The following NEIL3 variants were observed in gnomAD, a reference collection of about 807,000 sequenced individuals.
The protein encoded by NEIL3 is endonuclease 8-like 3.
In NEIL3, 48 loss-of-function variants were observed where a neutral mutation model predicts 57.5. The observed-to-expected ratio is 0.83, with a 90% CI of 0.66 to 1.06. The LOEUF (loss-of-function observed/expected upper bound fraction) is 1.06, where lower values mean the gene tolerates loss of function less well. Among genes scored for constraint, NEIL3 ranks in the 50% least tolerant of loss-of-function variants. The pLI is 0.00. For missense variants in NEIL3, 717 were observed against 739.1 expected, an observed-to-expected ratio of 0.97 and a Z score of 0.35; for synonymous variants, 261 against 253.2, an observed-to-expected ratio of 1.03 and a Z score of -0.29.
rs772522208 is a variant in NEIL3, at chr4:177,339,831, C to A, written c.676C>A (p.Arg226Ser). Reference protein sequence around the residue: ...EQIHHLMKMIRDFSILFYRCR... With the variant: ...EQIHHLMKMISDFSILFYRCR... ...GATCCATCACCTCATGAAAATGATACGTGATTTCAGCATTCTCTTTTACAG... is the reference window on the plus strand; with the variant it reads ...GATCCATCACCTCATGAAAATGATAAGTGATTTCAGCATTCTCTTTTACAG... Residue 226 changes from arginine to serine, a missense_variant, in exon 5 of 10, where the codon CGT becomes AGT. Arg to Ser is a moderately radical substitution (Grantham distance 110). Transcript: ENST00000264596. 3 of 1,613,392 alleles carry A rather than the reference C, an allele frequency of 1.9e-6. No individual in the cohort carries two copies. The highest frequency in any genetic ancestry group is 2.2e-5 in the South Asian group (2 of 91,044).
intron 2 of NEIL3, among the ~76,000 whole-genome samples, chr4:177,325,509 T>A (rs1008218760): frequency 6.6e-6 from 1 of 152,148 alleles, no homozygotes; most frequent in Non-Finnish European, 1.5e-5. Context: ...GCTATGAATA[T>A]TCACATACAT....
At position 177,336,130 on chromosome 4, in the gene NEIL3, A is replaced by G. The variant is rs1342748182; in HGVS notation, c.436A>G (p.Arg146Gly). 6.2e-7 allele frequency: 1 copy of G among 1,612,234 alleles called. No individual in the cohort carries two copies. The highest frequency in any genetic ancestry group is 1.3e-5 in the African/African-American group (1 of 74,904). The change falls in exon 4 of 10, where the codon AGA (arginine) becomes GGA (glycine). Residue 146 changes from arginine (R) to glycine (G), a missense_variant. By Grantham distance (125) the Arg-to-Gly change is moderately radical. Transcript: ENST00000264596. ...ELRNSMESQQRIRMMKELDVC... is the reference protein window; with the variant it reads ...ELRNSMESQQGIRMMKELDVC... Reference sequence around the variant, plus strand: ...TAGAAACTCAATGGAAAGCCAACAGAGAATAAGAATGATGAAAGAATTAGA... The same window carrying G: ...TAGAAACTCAATGGAAAGCCAACAGGGAATAAGAATGATGAAAGAATTAGA...
intron 8 of NEIL3, 132 bp downstream of exon 8, chr4:177,353,860 C>T (rs1390923061): frequency 1.2e-5 from 9 of 739,780 alleles, no homozygotes; most frequent in Middle Eastern, 3.9e-4. Flanking sequence ...CTGCCTCCCG[C>T]GTTCAAGCGA....
intron 1 of NEIL3, among the ~76,000 whole-genome samples, chr4:177,313,883 A>T (rs1261038335): frequency 6.6e-6 from 1 of 152,212 alleles, no homozygotes; most frequent in Non-Finnish European, 1.5e-5. Flanking sequence ...ATTTAGAAAT[A>T]AATTCCATTT....
intron 1 of NEIL3, among the ~76,000 whole-genome samples, chr4:177,320,847 A>C (rs886516654): frequency 1.3e-5 from 2 of 152,080 alleles, no homozygotes; most frequent in African/African-American, 2.4e-5. Flanking sequence ...TTCTTAAACA[A>C]AGGAGGGATA....
intron 6 of NEIL3, among the ~76,000 whole-genome samples, chr4:177,350,053 GAT>G: frequency 6.6e-6 from 1 of 152,288 alleles, no homozygotes; most frequent in South Asian, 2.1e-4. Flanking sequence ...GGGAAGTAAA[GAT>G]AAAAGAATCC....
At chr4:177,352,315 C>T (rs936304450) in intron 7 of NEIL3, among the ~76,000 whole-genome samples, 1 of 152,318 alleles carries the variant, frequency 6.6e-6, no homozygotes, top group Non-Finnish European at 1.5e-5. Context: ...GTTTCCATCC[C>T]TCCCTCTTCA....
intron 6 of NEIL3, among the ~76,000 whole-genome samples, chr4:177,350,863 G>A (rs953083392): frequency 2.0e-5 from 3 of 151,884 alleles, no homozygotes; most frequent in African/African-American, 7.3e-5. Context: ...ACTTTTATTT[G>A]ATGTTTCTCA....
At chr4:177,362,265 T>A in intron 9 of NEIL3, 24 bp from the exon 10 acceptor site, 2 of 1,581,540 alleles carry the variant, frequency 1.3e-6, no homozygotes, top group Non-Finnish European at 1.7e-6. Flanking sequence ...TATAAACTTG[T>A]AAATTTACCT....
chr4:177,365,568 A>G (rs955339569), downstream of NEIL3, among the ~76,000 whole-genome samples: 1 of 152,124 alleles, frequency 6.6e-6, no homozygotes, highest in Non-Finnish European at 1.5e-5. Flanking sequence ...AAAAAAATTT[A>G]CTCTGACTGC....
chr4:177,322,625 G>T, intron 2 of NEIL3, 45 bp downstream of exon 2: 1 of 1,611,816 alleles, frequency 6.2e-7, no homozygotes, highest in Non-Finnish European at 8.5e-7. Flanking sequence ...TATATTTAAA[G>T]ATGCGTAGAA....
chr4:177,337,762 G>C (rs541768407), intron 4 of NEIL3, among the ~76,000 whole-genome samples: 12 of 152,306 alleles, frequency 7.9e-5, no homozygotes, highest in African/African-American at 2.9e-4. Flanking sequence ...ACTTTGGGAG[G>C]CTGACGCGGG....
At chr4:177,347,372 CAAG>C (rs2110921635) in intron 6 of NEIL3, among the ~76,000 whole-genome samples, 1 of 152,242 alleles carries the variant, frequency 6.6e-6, no homozygotes, top group East Asian at 1.9e-4. Flanking sequence ...TCGGCTTGGC[CAAG>C]GCAAGTTTCT....
At chr4:177,351,046 AT>A (rs1453443546) in intron 6 of NEIL3, among the ~76,000 whole-genome samples, 3 of 151,578 alleles carry the variant, frequency 2.0e-5, no homozygotes, top group South Asian at 2.1e-4. Flanking sequence ...TCTACTAAAA[AT>A]TTAAAAATTA....
At chr4:177,370,554 A>C in the NEIL3 span, among the ~76,000 whole-genome samples, 2 of 152,148 alleles carry the variant, frequency 1.3e-5, no homozygotes, top group African/African-American at 4.8e-5. Context: ...TATTATTTGA[A>C]TTGTATTGAC....
At chr4:177,349,393 G>A (rs867731260) in intron 6 of NEIL3, among the ~76,000 whole-genome samples, 1 of 151,952 alleles carries the variant, frequency 6.6e-6, no homozygotes, top group Non-Finnish European at 1.5e-5. Context: ...TCCTCTTCTC[G>A]CTTCCGGTGC....
Position 177,353,383 on chromosome 4 carries a change from A to G in NEIL3, c.1115A>G (p.Lys372Arg), listed in dbSNP as rs200121648. 50 of 1,613,720 alleles carry G rather than the reference A, an allele frequency of 3.1e-5. No homozygotes were observed. The East Asian group carries it at 1.1e-3, about 36-fold the overall frequency. Reference protein sequence around the residue: ...LMKYPCNTFGKPHTEVKINRK... With the variant: ...LMKYPCNTFGRPHTEVKINRK... ...AAGTACCCGTGTAATACTTTTGGAAAACCTCATACAGAAGTCAAGATCAAC... is the reference window on the plus strand; with the variant it reads ...AAGTACCCGTGTAATACTTTTGGAAGACCTCATACAGAAGTCAAGATCAAC... The change falls in exon 8 of 10, where the codon AAA (lysine) becomes AGA (arginine). Residue 372 changes from lysine (K) to arginine (R), a missense_variant. Transcript: ENST00000264596.
downstream of NEIL3, among the ~76,000 whole-genome samples, chr4:177,364,696 G>A (rs543315280): frequency 5.9e-5 from 9 of 152,224 alleles, no homozygotes; most frequent in South Asian, 2.1e-4. Flanking sequence ...GTGGGAGGCC[G>A]AGGCAGGCAG....
At chr4:177,370,844 T>C in the NEIL3 span, among the ~76,000 whole-genome samples, 3 of 151,930 alleles carry the variant, frequency 2.0e-5, no homozygotes, top group Admixed American at 2.0e-4. Flanking sequence ...GAGGCTGCAG[T>C]GAGCCATGAT....
Sources: allele counts gnomAD v4.1 joint callset (sites outside exome capture counted in the v4.1 genomes callset), GRCh38; gene constraint gnomAD v4.1.1; transcripts MANE v1.5; gene names NCBI Gene and HGNC (gene_info 2026-07-23, HGNC 2026-07-21).